Variants in CYP2A6 observed in about 807,000 individuals in gnomAD.
CYP2A6 encodes the protein cytochrome P450 family 2 subfamily A member 6.
CYP2A6 carries 27 observed loss-of-function variants against 42.3 expected under a neutral mutation model. The ratio of observed to expected loss-of-function variants is 0.64; its 90% CI spans 0.47 to 0.88. CYP2A6 has a LOEUF of 0.88. Among genes scored for constraint, CYP2A6 ranks in the 40% least tolerant of loss-of-function variants. The pLI is 0.00. For synonymous variants in CYP2A6, 238 were observed against 246.3 expected, an observed-to-expected ratio of 0.97 and a Z score of 0.31; for missense variants, 628 against 646.0, an observed-to-expected ratio of 0.97 and a Z score of 0.30.
chr19:40,848,663 G>T lies in CYP2A6; in HGVS notation c.444C>A (p.Arg148=). The T allele has an allele frequency of 4.3e-6, 7 of 1,612,020 alleles. 1 individual carries two copies. The South Asian group carries it at 6.6e-5, about 15-fold the overall frequency. ...TGAGGAAGCCCGCCTCCTCCTGGAT[G>T]CGCTCCTCGATGCCTCGCTTGCCCA... ...FGVGKRGIEE[R]IQEEAGFLID... The change falls in exon 3 of 9, where the codon CGC becomes CGA. Residue 148 remains arginine, a synonymous_variant. Coordinates refer to ENST00000301141, the MANE Select transcript of CYP2A6 (RefSeq NM_000762.6).
chr19:40,845,283 G>T lies in CYP2A6; in HGVS notation c.1161+11C>A, dbSNP rs774691324. On this transcript the variant is annotated intron_variant, in intron 7 of 8. Coordinates refer to ENST00000301141, the MANE Select transcript of CYP2A6 (RefSeq NM_000762.6). Reference sequence around the variant, plus strand: ...AGTCCCCGTAGTCTGGGGGGTGGGGGCGGATAGCACCTTAGGGAGGAAGAA... The same window carrying T: ...AGTCCCCGTAGTCTGGGGGGTGGGGTCGGATAGCACCTTAGGGAGGAAGAA... The T allele has an allele frequency of 5.0e-6, 8 of 1,611,314 alleles. No individual in the cohort carries two copies. The highest frequency in any genetic ancestry group is 3.3e-5 in the Admixed American group (2 of 59,912).
intron 4 of CYP2A6, 101 bp downstream of exon 4, chr19:40,848,118 C>G: frequency 6.4e-7 from 1 of 1,563,390 alleles, no homozygotes; most frequent in Non-Finnish European, 8.7e-7. Context: ...TGAGGGGACA[C>G]TGTCTGGAGG....
In CYP2A6 at chr19:40,843,706, A is replaced by T; in HGVS notation, c.*90T>A. On this transcript the variant is annotated 3_prime_UTR_variant, in exon 9 of 9. Transcript: ENST00000301141. Reference sequence around the variant, plus strand: ...CCTTCCTTTCCGCCATCCTGCCCCCAGTCTTAGCTGCGCCCCTCTCCCAAG... The same window carrying T: ...CCTTCCTTTCCGCCATCCTGCCCCCTGTCTTAGCTGCGCCCCTCTCCCAAG... 7.6e-7 allele frequency: 1 copy of T among 1,313,716 alleles called. No individual in the cohort carries two copies. The highest frequency in any genetic ancestry group is 1.0e-6 in the Non-Finnish European group (1 of 986,494). 81.4% of individuals were successfully genotyped at this position (1,313,716 alleles called of 1,614,324 possible).
At position 40,844,854 on chromosome 19, in the gene CYP2A6, T is replaced by G. The variant is rs28399460; in HGVS notation, c.1162-82A>C. On this transcript the variant is annotated intron_variant, in intron 7 of 8. Transcript: ENST00000301141. The stretch of plus-strand genomic sequence containing the variant: ...ACACAGGGGCTGGAGGGGGAACTAG[T>G]GTGCCCCAGGTAAGGGGAAGTGGCA... The G allele has an allele frequency of 6.8e-4, 1,025 of 1,510,532 alleles. 104 individuals carry two copies. The East Asian group carries it at 0.016, about 23-fold the overall frequency. 93.6% of individuals were successfully genotyped at this position (1,510,532 alleles called of 1,614,324 possible). A position where few individuals can be genotyped will look rare whatever the true frequency, so the allele number is the denominator to read the frequency against.
At chr19:40,844,916 T>C in intron 7 of CYP2A6, 144 bp from the exon 8 acceptor site, 1 of 1,065,088 alleles carries the variant, frequency 9.4e-7, no homozygotes. Context: ...TGGAGGAGCT[T>C]TGGGGGATAG....
rs199775494 is a variant in CYP2A6, at chr19:40,843,916, G to C, written c.1365C>G (p.Thr455=). The C allele has an allele frequency of 3.8e-5, 61 of 1,611,878 alleles. No individual in the cohort carries two copies. In the Admixed American group the frequency reaches 7.2e-4, roughly 19 times the overall value. The part of the protein sequence containing the change: ...ARMELFLFFT[T]VMQNFRLKSS... Reference sequence around the variant, plus strand: ...ACTTGAGGCGGAAGTTCTGCATGACGGTGGTGAAGAAGAGAAAGAGCTCCA... The same window carrying C: ...ACTTGAGGCGGAAGTTCTGCATGACCGTGGTGAAGAAGAGAAAGAGCTCCA... The change falls in exon 9 of 9, where the codon ACC becomes ACG. Residue 455 remains threonine, a synonymous_variant. Coordinates refer to ENST00000301141, the MANE Select transcript of CYP2A6 (RefSeq NM_000762.6).
Position 40,845,497 on chromosome 19 carries a change from G to T in CYP2A6, c.974-16C>A. On this transcript the variant is annotated splice_polypyrimidine_tract_variant and intron_variant, in intron 6 of 8. Coordinates refer to ENST00000301141, the MANE Select transcript of CYP2A6 (RefSeq NM_000762.6). The stretch of plus-strand genomic sequence containing the variant: ...TGGACCTTGGCTGGGGGAGGAGGGG[G>T]AATGTGTTTAGGTATCTAGGGGTCT... 1.2e-6 allele frequency: 2 copies of T among 1,611,170 alleles called. No homozygotes were observed. The highest frequency in any genetic ancestry group is 1.7e-6 in the Non-Finnish European group (2 of 1,179,468).
In CYP2A6 at chr19:40,848,365, G is replaced by A. The variant is rs1196383394; in HGVS notation, c.508C>T (p.Pro170Ser). 6.2e-7 allele frequency: 1 copy of A among 1,611,928 alleles called. No individual in the cohort carries two copies. The highest frequency in any genetic ancestry group is 8.5e-7 in the Non-Finnish European group (1 of 1,179,952). ...LRGTGGANIDPTFFLSRTVSN... is the reference protein window; with the variant it reads ...LRGTGGANIDSTFFLSRTVSN... ...ACTGTGCGGCTCAGGAAGAAGGTGG[G>A]ATCGATATTGGCGCCTGCGGGTATG... Residue 170 changes from proline to serine, a missense_variant, in exon 4 of 9, where the codon CCC (proline) becomes TCC (serine). Physicochemically the swap from Pro to Ser is moderately conservative, Grantham distance 74 (BLOSUM62 -1). This residue lies in a region of CYP2A6 where 606 missense variants were observed against 568.1 expected (regional missense o/e 1.07). Transcript: ENST00000301141.
intron 4 of CYP2A6, among the ~76,000 whole-genome samples, chr19:40,847,576 C>T (rs1967121248): frequency 6.6e-6 from 1 of 151,520 alleles, no homozygotes; most frequent in Non-Finnish European, 1.5e-5. Flanking sequence ...TTTACCTATC[C>T]AAGTGGGATG....
At chr19:40,849,032 GAGA>G (rs1160342819) in intron 2 of CYP2A6, among the ~76,000 whole-genome samples, 3 of 39,344 alleles carry the variant, frequency 7.6e-5, no homozygotes, top group African/African-American at 2.5e-4. Context: ...GAGAGAGAGA[GAGA>G]AGAGAGAGAG....
intron 1 of CYP2A6, 103 bp from the exon 2 acceptor site, chr19:40,850,083 A>G: frequency 6.5e-7 from 1 of 1,546,436 alleles, no homozygotes; most frequent in African/African-American, 1.4e-5. Flanking sequence ...CCAGGTTCTC[A>G]CAGTCAGGGA....
chr19:40,844,793 G>T (rs571807591), intron 7 of CYP2A6, 21 bp from the exon 8 acceptor site: 3 of 1,604,754 alleles, frequency 1.9e-6, no homozygotes, highest in South Asian at 2.2e-5. Context: ...GGAGGAAGTT[G>T]TGTGTGATGA....
intron 4 of CYP2A6, 82 bp from the exon 5 acceptor site, chr19:40,847,133 C>T: frequency 6.5e-7 from 1 of 1,541,058 alleles, no homozygotes; most frequent in Non-Finnish European, 8.8e-7. Context: ...TGTTTCATAG[C>T]AAGGAAGGAA....
intron 1 of CYP2A6, 46 bp downstream of exon 1, chr19:40,850,201 T>G (rs770181229): frequency 1.3e-6 from 2 of 1,583,738 alleles, no homozygotes; most frequent in Non-Finnish European, 1.7e-6. Flanking sequence ...CCCAGCCAAC[T>G]AGGCAGCCCC....
chr19:40,846,378 G>T, intron 5 of CYP2A6, among the ~76,000 whole-genome samples: 1 of 149,378 alleles, frequency 6.7e-6, no homozygotes, highest in Non-Finnish European at 1.5e-5. Flanking sequence ...TACTGACTTG[G>T]TCTTGCTAAG....
chr19:40,846,342 GTTTTTTTTTGT>G (rs1448802152), intron 5 of CYP2A6, among the ~76,000 whole-genome samples: 20 of 141,460 alleles, frequency 1.4e-4, no homozygotes, highest in Admixed American at 8.3e-4. Context: ...TTAGCTGTCA[GTTTTTTTTTGT>G]TTTTTTTTTT....
In CYP2A6 at chr19:40,846,110, G is replaced by A; in HGVS notation, c.832-13C>T. 1 of 1,610,898 alleles carries A rather than the reference G, an allele frequency of 6.2e-7. No homozygotes were observed. The highest frequency in any genetic ancestry group is 1.1e-5 in the South Asian group (1 of 90,832). On this transcript the variant is annotated splice_polypyrimidine_tract_variant and intron_variant, in intron 5 of 8. Coordinates refer to ENST00000301141, the MANE Select transcript of CYP2A6 (RefSeq NM_000762.6). ...GGTTCTTCTCCTCCTGCAGGGAGAG[G>A]GGGCTTTAGGCCAACCTCACTCCTC...
rs1967113167 is a variant in CYP2A6, at chr19:40,846,994, A to T, written c.712T>A (p.Phe238Ile). 3 of 1,611,824 alleles carry T rather than the reference A, an allele frequency of 1.9e-6. No individual in the cohort carries two copies. The Admixed American group carries it at 5.0e-5, about 27-fold the overall frequency. ...TCCTCCAGCCCTTGCAGCAACTGAA[A>T]GGCCTGTTGCTGTGGTCCTGGCAGG... ...KHLPGPQQQA[F>I]QLLQGLEDFI... The change falls in exon 5 of 9, where the codon TTT becomes ATT. Residue 238 changes from phenylalanine to isoleucine, a missense_variant. This residue lies in a region of CYP2A6 where 606 missense variants were observed against 568.1 expected (regional missense o/e 1.07). Transcript: ENST00000301141.
At chr19:40,845,631 T>C (rs1599777763) in intron 6 of CYP2A6, 150 bp from the exon 7 acceptor site, 1 of 1,358,210 alleles carries the variant, frequency 7.4e-7, no homozygotes, top group Non-Finnish European at 9.9e-7. Flanking sequence ...GCCATTCGCA[T>C]TGTTGGAGTA....
Sources: allele counts gnomAD v4.1 joint callset (sites outside exome capture counted in the v4.1 genomes callset), GRCh38; gene constraint gnomAD v4.1.1; regional missense constraint gnomAD v4.1.1; transcripts MANE v1.5; gene names NCBI Gene and HGNC (gene_info 2026-07-23, HGNC 2026-07-21).